Variants in OSBPL1A observed in about 807,000 individuals in gnomAD.
OSBPL1A encodes oxysterol binding protein like 1A.
OSBPL1A carries 80 observed loss-of-function variants against 137.1 expected under a neutral mutation model. The ratio of observed to expected loss-of-function variants is 0.58; its 90% CI spans 0.49 to 0.70. The LOEUF is 0.70. Among genes scored for constraint, OSBPL1A ranks in the 30% least tolerant of loss-of-function variants. OSBPL1A has a pLI of 0.00. For missense variants in OSBPL1A, 970 were observed against 1,129.4 expected (o/e 0.86, Z 2.02); for synonymous variants, 365 against 389.7 (o/e 0.94, Z 0.75).
chr18:24,396,937 TCA>T lies in OSBPL1A; in HGVS notation c.-3+716_-3+717del, dbSNP rs566146169. ...CTGATTTAATTATATTATTAACTAT[TCA>T]CAGACACCTAATAGCCACATTTGCA... On this transcript the variant is annotated intron_variant, in intron 1 of 27. Transcript: ENST00000319481. Among the ~76,000 whole-genome samples, 565 of 152,328 alleles carry T rather than the reference TCA, an allele frequency of 3.7e-3. 3 individuals are homozygous for T. Among genetic ancestry groups the T allele is most frequent in the African/African-American group, 0.012 (502 of 41,570 alleles).
In OSBPL1A at chr18:24,280,917, T is replaced by C. The variant is rs1263459777; in HGVS notation, c.1206A>G (p.Glu402=). 6.2e-7 allele frequency: 1 copy of C among 1,606,610 alleles called. No homozygotes were observed. Among genetic ancestry groups the C allele is most frequent in the African/African-American group, 1.3e-5 (1 of 74,420 alleles). ...TTTCTCTAGAAGCTTCTGAGACAAC[T>C]TCAACTTTCTGAAGAAATGATGGAA... ...EMLPSFLQKV[E]VVSEASRETC... is the part of the protein sequence containing the mutation. The change falls in exon 15 of 28, where the codon GAA becomes GAG. Residue 402 remains glutamate (E), a synonymous_variant. Coordinates refer to ENST00000319481, the MANE Select transcript of OSBPL1A (RefSeq NM_080597.4).
At position 24,225,177 on chromosome 18, in the gene OSBPL1A, A is replaced by G. The variant is rs1481324568; in HGVS notation, c.1466T>C (p.Leu489Pro). The G allele has an allele frequency of 6.2e-7, 1 of 1,614,106 alleles. No individual in the cohort carries two copies. The highest frequency in any genetic ancestry group is 8.5e-7 in the Non-Finnish European group (1 of 1,179,970). ...TGCTGTCACTGCTTCCAATCTACTC[A>G]GGGACCTTTCGGACTCGGAATCTGT... is the stretch of plus-strand genomic sequence containing the variant. ...ALSDSESERS[L>P]SRLEAVTARS... The change falls in exon 17 of 28, where the codon CTG becomes CCG. Residue 489 changes from leucine (L) to proline (P), a missense_variant. Coordinates refer to ENST00000319481, the MANE Select transcript of OSBPL1A (RefSeq NM_080597.4).
chr18:24,360,730 C>CT (rs2091608933), intron 4 of OSBPL1A, among the ~76,000 whole-genome samples: 1 of 152,120 alleles, frequency 6.6e-6, no homozygotes, highest in Non-Finnish European at 1.5e-5. Context: ...CTCAGGTACT[C>CT]TGTTTTCTTC....
chr18:24,218,665 C>T (rs2087786316), intron 17 of OSBPL1A, among the ~76,000 whole-genome samples: 3 of 152,126 alleles, frequency 2.0e-5, no homozygotes, highest in African/African-American at 7.2e-5. Context: ...AGGCTGGTCT[C>T]GAACTCCTGA....
At chr18:24,183,145 C>A (rs529852897) in intron 18 of OSBPL1A, among the ~76,000 whole-genome samples, 1 of 151,796 alleles carries the variant, frequency 6.6e-6, no homozygotes, top group Non-Finnish European at 1.5e-5. Flanking sequence ...CAAAAGGCTG[C>A]GATTACAGGT....
chr18:24,250,482 C>T (rs1057092327), intron 15 of OSBPL1A, among the ~76,000 whole-genome samples: 3 of 152,116 alleles, frequency 2.0e-5, no homozygotes, highest in South Asian at 2.1e-4. Flanking sequence ...AGCCTCCTGA[C>T]GACATTTCTA....
At chr18:24,298,567 G>T (rs546288260) in intron 14 of OSBPL1A, among the ~76,000 whole-genome samples, 1 of 152,162 alleles carries the variant, frequency 6.6e-6, no homozygotes, top group African/African-American at 2.4e-5. Context: ...GGATGGTCTC[G>T]ATCTCCGGAC....
chr18:24,348,077 G>A (rs1532010), intron 4 of OSBPL1A, among the ~76,000 whole-genome samples: 12 of 151,902 alleles, frequency 7.9e-5, no homozygotes, highest in Non-Finnish European at 1.6e-4. Flanking sequence ...ACCTGAAAGG[G>A]TAAGTTTGAA....
intron 2 of OSBPL1A, among the ~76,000 whole-genome samples, chr18:24,370,544 G>T (rs1475726299): frequency 6.6e-6 from 1 of 152,106 alleles, no homozygotes; most frequent in Non-Finnish European, 1.5e-5. Context: ...GCCACAGCCT[G>T]GGCGCCATCA....
At chr18:24,280,749 A>T in intron 15 of OSBPL1A, 93 bp downstream of exon 15, 1 of 784,982 alleles carries the variant, frequency 1.3e-6, no homozygotes, top group Non-Finnish European at 1.8e-6. Context: ...ATTTTTTCCT[A>T]CCTTTGAACA....
At chr18:24,344,315 T>C (rs2091312820) in intron 4 of OSBPL1A, among the ~76,000 whole-genome samples, 1 of 152,088 alleles carries the variant, frequency 6.6e-6, no homozygotes, top group Admixed American at 6.6e-5. Flanking sequence ...CCGGGCATGG[T>C]GGCATATGCC....
chr18:24,286,246 G>GA (rs1163231272), intron 14 of OSBPL1A, among the ~76,000 whole-genome samples: 1 of 152,046 alleles, frequency 6.6e-6, no homozygotes, highest in African/African-American at 2.4e-5. Context: ...TCAAAACAGG[G>GA]AAAAAATGTT....
At position 24,300,575 on chromosome 18, in the gene OSBPL1A, G is replaced by A. The variant is rs779936869; in HGVS notation, c.1174+3062C>T. Among the ~76,000 whole-genome samples, 207 of 152,156 alleles carry A rather than the reference G, an allele frequency of 1.4e-3. 4 individuals carry two copies. Among genetic ancestry groups the A allele is most frequent in the Non-Finnish European group, 4.7e-4 (32 of 68,028 alleles). On this transcript the variant is annotated intron_variant, in intron 14 of 27. Coordinates refer to ENST00000319481, the MANE Select transcript of OSBPL1A (RefSeq NM_080597.4). ...AGAGTCCCAGGAGACAGGGACTAAA[G>A]GGCAGGCTGCTGCAGTGATCTGGAT...
At chr18:24,395,611 G>A (rs1198977404) in intron 1 of OSBPL1A, among the ~76,000 whole-genome samples, 1 of 58,830 alleles carries the variant, frequency 1.7e-5, no homozygotes, top group African/African-American at 7.3e-5. Context: ...AAATGATGGG[G>A]AGAATTTTTT....
chr18:24,352,338 A>C (rs1194702427), intron 4 of OSBPL1A, among the ~76,000 whole-genome samples: 1 of 152,168 alleles, frequency 6.6e-6, no homozygotes, highest in Non-Finnish European at 1.5e-5. Flanking sequence ...AGAGACAAAG[A>C]GCAGAAAAAA....
intron 4 of OSBPL1A, chr18:24,366,662 G>A: frequency 2.6e-6 from 1 of 385,704 alleles, no homozygotes; most frequent in African/African-American, 2.1e-5. Flanking sequence ...AGCAGAAACG[G>A]AATGATCTCC....
At chr18:24,326,670 C>T (rs1451573282) in intron 7 of OSBPL1A, among the ~76,000 whole-genome samples, 3 of 151,874 alleles carry the variant, frequency 2.0e-5, no homozygotes, top group South Asian at 4.1e-4. Flanking sequence ...TTCCCAGTTC[C>T]ATCCCATCTG....
intron 11 of OSBPL1A, 56 bp downstream of exon 11, chr18:24,317,093 C>T: frequency 6.4e-7 from 1 of 1,561,234 alleles, no homozygotes; most frequent in Non-Finnish European, 8.8e-7. Context: ...TTGGGTCAAT[C>T]ACTTGAAGAA....
chr18:24,271,816 C>T lies in OSBPL1A; in HGVS notation c.1281+9026G>A, dbSNP rs1182798623. ...TGCGCAGCCTGCCCCTGGCTCCGGC[C>T]GGGCAGCAGCGCCAGCCTTCCCCAG... On this transcript the variant is annotated intron_variant, in intron 15 of 27. Coordinates refer to ENST00000319481, the MANE Select transcript of OSBPL1A (RefSeq NM_080597.4). This position sits in a 1 kb window ranked among gnomAD's most constrained non-coding sequence, Gnocchi z 4.0. The T allele has an allele frequency of 1.1e-5, 11 of 985,256 alleles. No individual in the cohort carries two copies. The African/African-American group carries it at 1.9e-4, about 17-fold the overall frequency. 61.0% of individuals were successfully genotyped at this position (985,256 alleles called of 1,614,324 possible).
Sources: allele counts gnomAD v4.1 joint callset (sites outside exome capture counted in the v4.1 genomes callset), GRCh38; gene constraint gnomAD v4.1.1; non-coding constraint Gnocchi (gnomAD v3.1); transcripts MANE v1.5; gene names NCBI Gene and HGNC (gene_info 2026-07-23, HGNC 2026-07-21).